Variants in GARNL3 observed in about 807,000 individuals in gnomAD.
The protein encoded by GARNL3 is GTPase activating Rap/RanGAP domain like 3, also known as GTPase-activating Rap/Ran-GAP domain-like protein 3.
Under a neutral mutation model 125.0 loss-of-function variants are expected in GARNL3, and 63 were observed. That is an observed-to-expected ratio of 0.50 (90% confidence interval 0.41 to 0.62). The LOEUF (loss-of-function observed/expected upper bound fraction) is 0.62. Among genes scored for constraint, GARNL3 ranks in the 20% least tolerant of loss-of-function variants. The pLI, the probability that GARNL3 is intolerant of heterozygous loss-of-function variation, is 0.00. For missense variants in GARNL3, 994 were observed against 1,244.0 expected (o/e 0.80, Z 3.02); for synonymous variants, 439 against 457.5 (o/e 0.96, Z 0.52).
At chr9:127,362,400 C>G (rs886553641) in intron 21 of GARNL3, 2 of 152,080 alleles carry the variant, frequency 1.3e-5, no homozygotes, top group Admixed American at 1.3e-4. Context: ...GAAAAGGATA[C>G]TGAAGTCAGA....
chr9:127,393,332 C>T lies in GARNL3; in HGVS notation c.*78C>T. The T allele has an allele frequency of 7.3e-7, 1 of 1,377,438 alleles. No individual in the cohort carries two copies. The highest frequency in any genetic ancestry group is 1.0e-6 in the Non-Finnish European group (1 of 999,292). 85.3% of individuals were successfully genotyped at this position (1,377,438 alleles called of 1,614,324 possible). A position where few individuals can be genotyped will look rare whatever the true frequency, so the allele number is the denominator to read the frequency against. ...TTTAAACAGTTCTGATGTAATTTCT[C>T]AACAAAATGTGGCTTTTAGCCTGTC... On this transcript the variant is annotated 3_prime_UTR_variant, in exon 28 of 28. Transcript: ENST00000373387.
intron 1 of GARNL3, among the ~76,000 whole-genome samples, chr9:127,265,624 G>A (rs1201868339): frequency 2.0e-5 from 3 of 152,116 alleles, no homozygotes; most frequent in Non-Finnish European, 2.9e-5. Flanking sequence ...CATAATGAAA[G>A]CATATAATAG....
intron 2 of GARNL3, among the ~76,000 whole-genome samples, chr9:127,297,779 AT>A (rs1437757290): frequency 6.6e-6 from 1 of 152,270 alleles, no homozygotes; most frequent in East Asian, 1.9e-4. Flanking sequence ...TTAAAAAGTC[AT>A]TCCAGATTGT....
At chr9:127,362,751 C>T (rs1588936727) in intron 21 of GARNL3, 2 of 152,280 alleles carry the variant, frequency 1.3e-5, no homozygotes, top group African/African-American at 4.8e-5. Context: ...TGTAATATAC[C>T]CATTGGTGCT....
At chr9:127,377,462 C>T (rs940091661) in intron 22 of GARNL3, among the ~76,000 whole-genome samples, 7 of 151,986 alleles carry the variant, frequency 4.6e-5, no homozygotes, top group South Asian at 4.2e-4. Flanking sequence ...CAAGTCTTAG[C>T]GGTGGAGAGA....
intron 2 of GARNL3, among the ~76,000 whole-genome samples, chr9:127,248,901 A>G (rs949819598): frequency 2.0e-5 from 3 of 151,868 alleles, no homozygotes; most frequent in Non-Finnish European, 4.4e-5. Context: ...GTGAGCCACC[A>G]CGCCTGGCCA....
chr9:127,226,140 C>G (rs1272085874), intron 1 of GARNL3, among the ~76,000 whole-genome samples: 2 of 152,230 alleles, frequency 1.3e-5, no homozygotes, highest in Non-Finnish European at 2.9e-5. Flanking sequence ...TTCCTAAAGC[C>G]GTGACTGTGC....
At chr9:127,331,735 T>TTTTTTTTTTTTTTTTTTTTTTTTC (rs1554722987) in intron 7 of GARNL3, among the ~76,000 whole-genome samples, 2 of 143,734 alleles carry the variant, frequency 1.4e-5, no homozygotes, top group East Asian at 2.1e-4. Context: ...TTTTTTTTTT[T>TTTTTTTTTTTTTTTTTTTTTTTTC]CACATCTGTT....
chr9:127,303,927 T>G (rs2064873465), intron 2 of GARNL3, among the ~76,000 whole-genome samples: 1 of 152,170 alleles, frequency 6.6e-6, no homozygotes, highest in South Asian at 2.1e-4. Flanking sequence ...TTGGATCTGA[T>G]GCAGAAATGA....
intron 2 of GARNL3, among the ~76,000 whole-genome samples, chr9:127,245,131 G>A (rs1033618525): frequency 1.3e-5 from 2 of 152,228 alleles, no homozygotes; most frequent in African/African-American, 4.8e-5. Flanking sequence ...GCTCAGCGCT[G>A]GAGCTCCGAG....
chr9:127,295,465 A>G (rs2064558897), intron 2 of GARNL3, among the ~76,000 whole-genome samples: 1 of 152,100 alleles, frequency 6.6e-6, no homozygotes, highest in African/African-American at 2.4e-5. Context: ...CCTGACACCA[A>G]TCAATTCTGA....
Position 127,365,320 on chromosome 9 carries a change from T to C in GARNL3, c.2115T>C (p.Ile705=). 6.2e-7 allele frequency: 1 copy of C among 1,614,012 alleles called. No homozygotes were observed. The highest frequency in any genetic ancestry group is 8.5e-7 in the Non-Finnish European group (1 of 1,179,868). ...EANRVNFVAA[I]DVYEDGEAGL... ...TGCAGGTTAATTTTGTTGCAGCTAT[T>C]GATGTGTACGAAGATGGAGAAGCTG... Residue 705 remains isoleucine, a synonymous_variant, in exon 22 of 28, where the codon ATT becomes ATC. Transcript: ENST00000373387.
chr9:127,310,225 A>AT (rs1256493886), intron 2 of GARNL3, among the ~76,000 whole-genome samples: 1 of 152,226 alleles, frequency 6.6e-6, no homozygotes, highest in Non-Finnish European at 1.5e-5. Flanking sequence ...GGATGGGGGA[A>AT]TTTTTTATAG....
rs894510761 is a variant in GARNL3, at chr9:127,225,681, G to A, written c.-29+1343G>A. On this transcript the variant is annotated intron_variant, in intron 1 of 10. Transcript: ENST00000439286. The stretch of plus-strand genomic sequence containing the variant: ...CGGCGGGGCATGGGCTGAGGAGAAT[G>A]TGCCCTGCCCACCTCTGGTAAACCC... Among the ~76,000 whole-genome samples, 73 of 150,026 alleles carry A rather than the reference G, an allele frequency of 4.9e-4. 1 individual carries two copies. Among genetic ancestry groups the A allele is most frequent in the African/African-American group, 1.7e-3 (71 of 40,840 alleles).
At chr9:127,239,837 A>C (rs1351509941) in intron 1 of GARNL3, among the ~76,000 whole-genome samples, 2 of 152,206 alleles carry the variant, frequency 1.3e-5, no homozygotes, top group African/African-American at 4.8e-5. Context: ...AAGTGCAAAA[A>C]AAGAACTCTA....
intron 21 of GARNL3, chr9:127,363,870 C>T (rs1283055066): frequency 6.6e-6 from 1 of 152,256 alleles, no homozygotes; most frequent in African/African-American, 2.4e-5. Flanking sequence ...AGCCAATAGC[C>T]TTCACTGAGT....
chr9:127,282,216 A>G (rs1363597350), intron 1 of GARNL3, among the ~76,000 whole-genome samples: 2 of 152,260 alleles, frequency 1.3e-5, no homozygotes, highest in East Asian at 3.8e-4. Flanking sequence ...AAATGGTTTC[A>G]GTAATGTTTG....
chr9:127,332,026 A>C (rs946397363), intron 7 of GARNL3, among the ~76,000 whole-genome samples: 17 of 152,122 alleles, frequency 1.1e-4, no homozygotes, highest in African/African-American at 4.1e-4. Flanking sequence ...AGATGCCATT[A>C]GTAATGAAAT....
chr9:127,225,276 C>G (rs1416238463), intron 1 of GARNL3: 2 of 883,236 alleles, frequency 2.3e-6, no homozygotes, highest in African/African-American at 1.8e-5. Flanking sequence ...CGAGCCCACC[C>G]GAGTGCGCCC....
Sources: allele counts gnomAD v4.1 joint callset (sites outside exome capture counted in the v4.1 genomes callset), GRCh38; gene constraint gnomAD v4.1.1; transcripts MANE v1.5; gene names NCBI Gene and HGNC (gene_info 2026-07-23, HGNC 2026-07-21).